The following DSCAM variants were observed in gnomAD, a reference collection of about 807,000 sequenced individuals.
The protein encoded by DSCAM is DS cell adhesion molecule.
Under a neutral mutation model 217.7 loss-of-function variants are expected in DSCAM, and 47 were observed. That is an observed-to-expected ratio of 0.22 (90% CI 0.17 to 0.28). DSCAM has a LOEUF of 0.28. Among genes scored for constraint, DSCAM ranks in the 10% least tolerant of loss-of-function variants. The probability of loss-of-function intolerance (pLI) is 1.00; values close to 1 mark genes in which losing one functional copy is unlikely to be tolerated. For missense variants in DSCAM, 2,080 were observed against 2,618.3 expected, an observed-to-expected ratio of 0.79 and a Z score of 4.49; for synonymous variants, 1,056 against 1,015.3, an observed-to-expected ratio of 1.04 and a Z score of -0.76.
At chr21:40,437,661 G>T (rs2075594968) in intron 3 of DSCAM, among the ~76,000 whole-genome samples, 1 of 152,036 alleles carries the variant, frequency 6.6e-6, no homozygotes, top group African/African-American at 2.4e-5. Flanking sequence ...GACCAGCCTG[G>T]CCCACATGGT....
chr21:40,365,708 A>G (rs1470149409), intron 4 of DSCAM, among the ~76,000 whole-genome samples: 1 of 152,074 alleles, frequency 6.6e-6, no homozygotes, highest in Non-Finnish European at 1.5e-5. Flanking sequence ...AACTGTCCCT[A>G]CTGAAAAGGC....
At chr21:40,180,985 T>C (rs1176516193) in intron 14 of DSCAM, among the ~76,000 whole-genome samples, 2 of 152,094 alleles carry the variant, frequency 1.3e-5, no homozygotes, top group African/African-American at 2.4e-5. Context: ...GTGTGACTTA[T>C]AAATCCTCTC....
At chr21:40,265,065 C>T (rs1340120602) in intron 11 of DSCAM, among the ~76,000 whole-genome samples, 1 of 140,348 alleles carries the variant, frequency 7.1e-6, no homozygotes, top group Non-Finnish European at 1.5e-5. Flanking sequence ...TAGTGACAGG[C>T]ATCTATAATC....
At chr21:40,189,540 G>A (rs1254112438) in intron 11 of DSCAM, among the ~76,000 whole-genome samples, 1 of 152,148 alleles carries the variant, frequency 6.6e-6, no homozygotes, top group Non-Finnish European at 1.5e-5. Flanking sequence ...GATATGGGTT[G>A]GCTGTGTCCC....
At chr21:40,097,385 T>C (rs926273837) in intron 20 of DSCAM, among the ~76,000 whole-genome samples, 12 of 151,846 alleles carry the variant, frequency 7.9e-5, no homozygotes, top group Non-Finnish European at 1.8e-4. Context: ...AATTACAAAA[T>C]ATAGCATAAA....
chr21:40,055,959 G>C, intron 28 of DSCAM, 119 bp from the exon 29 acceptor site: 1 of 666,076 alleles, frequency 1.5e-6, no homozygotes, highest in African/African-American at 1.8e-5. Context: ...TGTGAGGAGG[G>C]GAACAGAAAA....
chr21:40,499,998 C>G (rs1311817197), intron 3 of DSCAM, among the ~76,000 whole-genome samples: 3 of 152,086 alleles, frequency 2.0e-5, no homozygotes, highest in Non-Finnish European at 4.4e-5. Flanking sequence ...CTAGGATGGT[C>G]TCGATCTCCT....
rs11286508 is a variant in DSCAM at position 40,179,184 on chromosome 21, C to CAAAAA, written c.2780-95_2780-91dup. On this transcript the variant is annotated intron_variant, in intron 14 of 32. Transcript: ENST00000400454. Reference sequence around the variant, plus strand: ...AAGTTCACAAGTAGGAATTAAAAACCAAAAAAAAAAAAAAAAAAAAAAAAA... The same window carrying CAAAAA: ...AAGTTCACAAGTAGGAATTAAAAACCAAAAAAAAAAAAAAAAAAAAAAAAAAAAAA... 8.6e-4 allele frequency: 88 copies of CAAAAA among 102,596 alleles called. 2 individuals are homozygous for CAAAAA. The highest frequency in any genetic ancestry group is 1.3e-3 in the South Asian group (12 of 9,308). 6.4% of individuals were successfully genotyped at this position (102,596 alleles called of 1,614,324 possible). A position where few individuals can be genotyped will look rare whatever the true frequency, so the allele number is the denominator to read the frequency against.
At chr21:40,337,993 T>A in intron 8 of DSCAM, 108 bp downstream of exon 8, 1 of 1,365,460 alleles carries the variant, frequency 7.3e-7, no homozygotes, top group Admixed American at 1.9e-5. Context: ...TGTACAATTA[T>A]CCTGCTCTAA....
chr21:40,566,683 A>AG (rs1164149782), intron 3 of DSCAM, among the ~76,000 whole-genome samples: 5 of 152,202 alleles, frequency 3.3e-5, no homozygotes, highest in Non-Finnish European at 7.3e-5. Flanking sequence ...TGGAACATTC[A>AG]GTGGGCTGAT....
intron 11 of DSCAM, among the ~76,000 whole-genome samples, chr21:40,266,231 CA>C: frequency 1.1e-5 from 1 of 94,152 alleles, no homozygotes; most frequent in East Asian, 2.5e-4. Context: ...TACAAATGGC[CA>C]AAAACGTGTG....
At chr21:40,202,979 T>C (rs116621988) in intron 11 of DSCAM, among the ~76,000 whole-genome samples, 112 of 152,354 alleles carry the variant, frequency 7.4e-4, no homozygotes, top group African/African-American at 2.5e-3. Flanking sequence ...ATAGCTAATA[T>C]GCATTAAGTT....
chr21:40,693,603 G>C (rs1252405232), intron 2 of DSCAM, among the ~76,000 whole-genome samples: 7 of 151,956 alleles, frequency 4.6e-5, no homozygotes, highest in Non-Finnish European at 8.8e-5. Context: ...TTTTCTGACT[G>C]CAAAAAATGA....
intron 3 of DSCAM, among the ~76,000 whole-genome samples, chr21:40,667,062 C>T (rs1262728437): frequency 1.3e-5 from 2 of 152,230 alleles, no homozygotes; most frequent in African/African-American, 2.4e-5. Flanking sequence ...GCCCCACTCT[C>T]CCGAAGAAGC....
At chr21:40,607,207 G>C (rs1333158029) in intron 3 of DSCAM, among the ~76,000 whole-genome samples, 2 of 133,138 alleles carry the variant, frequency 1.5e-5, no homozygotes, top group African/African-American at 2.9e-5. Context: ...TTTTCAAAAA[G>C]CACAATTATG....
intron 3 of DSCAM, among the ~76,000 whole-genome samples, chr21:40,412,841 T>C (rs1006386347): frequency 1.3e-5 from 2 of 152,226 alleles, no homozygotes; most frequent in Non-Finnish European, 2.9e-5. Context: ...GAGACCTCTG[T>C]AGCCCCTCCC....
intron 9 of DSCAM, among the ~76,000 whole-genome samples, chr21:40,296,831 CAAAAAAAAAA>C: frequency 1.9e-5 from 1 of 53,818 alleles, no homozygotes; most frequent in Non-Finnish European, 4.0e-5. Context: ...AACTCCATCT[CAAAAAAAAAA>C]AAAAAAAAAA....
chr21:40,151,769 G>A (rs554302587), intron 16 of DSCAM, among the ~76,000 whole-genome samples: 22 of 151,876 alleles, frequency 1.4e-4, no homozygotes, highest in South Asian at 8.3e-4. Flanking sequence ...TGTGACAGCC[G>A]GGAAGTGTGG....
At chr21:40,097,954 A>AAAAAAGAAAG (rs1555877400) in intron 20 of DSCAM, among the ~76,000 whole-genome samples, 1 of 51,516 alleles carries the variant, frequency 1.9e-5, no homozygotes, top group Non-Finnish European at 3.6e-5. Flanking sequence ...AAAAAAAAAA[A>AAAAAAGAAAG]AAAGAAAGAA....
Sources: gnomAD v4.1 joint callset for allele counts (sites outside exome capture counted in the v4.1 genomes callset) on GRCh38, gnomAD v4.1.1 for gene constraint, MANE v1.5 for transcripts, NCBI Gene and HGNC (gene_info 2026-07-23, HGNC 2026-07-21) for gene names.